The following RTL5 variants were observed in gnomAD, a reference collection of about 807,000 sequenced individuals.
RTL5 encodes the protein retrotransposon Gag-like protein 5.
In RTL5, 8 loss-of-function variants were observed where a neutral mutation model predicts 7.7. The observed-to-expected ratio is 1.04, with a 90% CI of 0.61 to 1.88. RTL5 has a LOEUF of 1.88. Among genes scored for constraint, RTL5 ranks in the 40% most tolerant of loss-of-function variants. The pLI is 0.00. For synonymous variants in RTL5, 188 were observed against 191.8 expected (o/e 0.98, Z 0.16); for missense variants, 457 against 472.7 (o/e 0.97, Z 0.31).
chrX:72,129,785 G>A (rs1177454440), exon 1 of RTL5: 1 of 1,121,066 alleles, frequency 8.9e-7, no homozygotes, highest in Non-Finnish European at 1.2e-6. Flanking sequence ...AGGGGCGGGG[G>A]ATGCAAAAGA....
chrX:72,130,670 A>C, exon 1 of RTL5: 5 of 1,211,739 alleles, frequency 4.1e-6, no homozygotes, highest in Non-Finnish European at 5.6e-6. Context: ...ATTTCTGTTG[A>C]CCATAAGAGC....
exon 1 of RTL5, chrX:72,128,910 A>G (rs1172546022): frequency 1.8e-5 from 2 of 113,720 alleles, no homozygotes; most frequent in Admixed American, 1.8e-4. Flanking sequence ...CAATGGCAGA[A>G]TGATCGTTGC....
exon 1 of RTL5, chrX:72,129,390 G>C (rs1288520074): frequency 1.6e-5 from 2 of 126,773 alleles, no homozygotes; most frequent in African/African-American, 6.4e-5. Context: ...CTGTCCTCTT[G>C]CTCATTGGGG....
exon 1 of RTL5, chrX:72,129,503 C>T (rs2042261415): frequency 4.0e-6 from 1 of 249,306 alleles, no homozygotes; most frequent in Non-Finnish European, 7.2e-6. Context: ...TTAGGAACAA[C>T]CAGAGGGGAA....
rs759603874 is a variant in RTL5, at chrX:72,131,517, G to T, written c.24C>A (p.Leu8=). ...CCACATTCGCCATGCGGAGGCTGTTGAGATTTCCTGACGCCTCAGACATCT... is the reference window on the plus strand; with the variant it reads ...CCACATTCGCCATGCGGAGGCTGTTTAGATTTCCTGACGCCTCAGACATCT... Residue 8 remains leucine, a synonymous_variant, in exon 1 of 1, where the codon CTC becomes CTA. Transcript: ENST00000609883. The T allele has an allele frequency of 3.4e-6, 4 of 1,191,708 alleles. No homozygotes were observed. The East Asian group carries it at 1.2e-4, about 35-fold the overall frequency.
chrX:72,128,025 A>G (rs1229826669), exon 1 of RTL5: 3 of 112,411 alleles, frequency 2.7e-5, no homozygotes, highest in Non-Finnish European at 3.8e-5. Context: ...CTATTTTCCA[A>G]ACTTTCTTTA....
At chrX:72,130,705 C>G in exon 1 of RTL5, 1 of 1,211,871 alleles carries the variant, frequency 8.3e-7, no homozygotes, top group Non-Finnish European at 1.1e-6. Context: ...TTCCGACAGG[C>G]CTTTGAGGAA....
chrX:72,130,049 G>A (rs776641896), exon 1 of RTL5: 1 of 1,211,249 alleles, frequency 8.3e-7, no homozygotes. Context: ...ATTATGGGAG[G>A]TGATGCACCC....
chrX:72,131,700 C>G, exon 1 of RTL5: 2 of 431,390 alleles, frequency 4.6e-6, no homozygotes, highest in Non-Finnish European at 7.1e-6. Flanking sequence ...GGGGCGAGCT[C>G]GGAGGGCGGC....
In RTL5 at chrX:72,131,160, G is replaced by T. The variant is rs1345574816; in HGVS notation, c.381C>A (p.Pro127=). 7 of 1,173,335 alleles carry T rather than the reference G, an allele frequency of 6.0e-6. No homozygotes were observed. The African/African-American group carries it at 7.2e-5, about 12-fold the overall frequency. Residue 127 remains proline (P), a synonymous_variant, in exon 1 of 1, where the codon CCC becomes CCA. Coordinates refer to ENST00000609883, the Ensembl canonical transcript of RTL5. The stretch of plus-strand genomic sequence containing the variant: ...ACGCGGGCGGAGGCAGCGCCGGCGG[G>T]GGCGGGATGGGCAGCAGAGGGGGGT...
chrX:72,128,172 G>T (rs2042246380), exon 1 of RTL5: 1 of 112,046 alleles, frequency 8.9e-6, no homozygotes, highest in South Asian at 3.7e-4. Context: ...ACCTCCCACT[G>T]ATGAATAGAG....
chrX:72,128,580 G>T (rs771237598), exon 1 of RTL5: 1 of 113,039 alleles, frequency 8.8e-6, no homozygotes, highest in Middle Eastern at 4.5e-3. Flanking sequence ...CTAGGAGGCA[G>T]CCACCCTCTT....
At chrX:72,127,291 T>C, downstream of RTL5, 1 of 61,007 alleles carries the variant, frequency 1.6e-5, no homozygotes, top group African/African-American at 7.0e-5. Flanking sequence ...CCCACCCCTC[T>C]TTCAACCCAA....
chrX:72,131,062 G>C, exon 1 of RTL5: 1 of 1,210,567 alleles, frequency 8.3e-7, no homozygotes, highest in Non-Finnish European at 1.1e-6. Flanking sequence ...CAGGTAGACT[G>C]GGTCTCCTGA....
exon 1 of RTL5, chrX:72,129,650 C>T (rs1393900462): frequency 1.3e-5 from 6 of 464,091 alleles, no homozygotes; most frequent in Non-Finnish European, 2.1e-5. Flanking sequence ...CCTGGTTGGG[C>T]ACACGTCGCT....
downstream of RTL5, chrX:72,127,599 G>A (rs937441612): frequency 6.8e-5 from 6 of 88,878 alleles, no homozygotes; most frequent in Non-Finnish European, 1.0e-4. Context: ...AGCAGGGCCA[G>A]AGTGTTGACC....
exon 1 of RTL5, chrX:72,130,592 T>C (rs750088943): frequency 8.3e-7 from 1 of 1,209,852 alleles, no homozygotes; most frequent in African/African-American, 1.8e-5. Flanking sequence ...GGGAGCGGGA[T>C]AGGCTTGGGA....
chrX:72,130,807 T>C (rs777799126), exon 1 of RTL5: 12 of 1,211,679 alleles, frequency 9.9e-6, no homozygotes, highest in Non-Finnish European at 1.3e-5. Context: ...GTGGCCCTGC[T>C]TGAGCTTGCG....
chrX:72,129,661 C>T (rs12832854), exon 1 of RTL5: 9 of 499,026 alleles, frequency 1.8e-5, no homozygotes, highest in Non-Finnish European at 2.9e-5. Flanking sequence ...ACACGTCGCT[C>T]TCTGGTCACG....
Sources: gnomAD v4.1 joint callset for allele counts on GRCh38, gnomAD v4.1.1 for gene constraint, MANE v1.5 for transcripts, NCBI Gene and HGNC (gene_info 2026-07-23, HGNC 2026-07-21) for gene names.